ZCCHC7: variants seen among roughly 807,000 people sequenced by gnomAD.
ZCCHC7 encodes zinc finger CCHC domain-containing protein 7.
Under a neutral mutation model 52.0 loss-of-function variants are expected in ZCCHC7, and 35 were observed. The observed-to-expected ratio is 0.67, with a 90% CI of 0.51 to 0.89. ZCCHC7 has a LOEUF of 0.89. ZCCHC7 is among the 40% of genes least tolerant of loss of function. ZCCHC7 has a pLI of 0.00. For synonymous variants in ZCCHC7, 217 were observed against 221.5 expected (o/e 0.98, Z 0.18); for missense variants, 574 against 649.1 (o/e 0.88, Z 1.26).
chr9:37,316,152 T>C, intron 5 of ZCCHC7, among the ~76,000 whole-genome samples: 1 of 152,002 alleles, frequency 6.6e-6, no homozygotes, highest in East Asian at 1.9e-4. Context: ...TTCCACCTCC[T>C]GGGTTCAAGT....
At chr9:37,250,904 C>G (rs1459631363) in intron 2 of ZCCHC7, among the ~76,000 whole-genome samples, 1 of 152,050 alleles carries the variant, frequency 6.6e-6, no homozygotes, top group East Asian at 1.9e-4. Flanking sequence ...GATCAGCTGA[C>G]CTATTGGTGG....
At chr9:37,163,400 A>AAG (rs1415709907) in intron 2 of ZCCHC7, among the ~76,000 whole-genome samples, 37 of 151,652 alleles carry the variant, frequency 2.4e-4, no homozygotes, top group Middle Eastern at 6.8e-3. Flanking sequence ...AAAAAAAAAA[A>AAG]AAAAGAAAAG....
intron 2 of ZCCHC7, among the ~76,000 whole-genome samples, chr9:37,195,944 A>G (rs1367119280): frequency 6.6e-6 from 1 of 152,216 alleles, no homozygotes; most frequent in African/African-American, 2.4e-5. Context: ...ATTTTTTAAA[A>G]TAATTCAACT....
At chr9:37,230,125 G>A (rs989878339) in intron 2 of ZCCHC7, among the ~76,000 whole-genome samples, 3 of 152,142 alleles carry the variant, frequency 2.0e-5, no homozygotes, top group Non-Finnish European at 4.4e-5. Context: ...GAATTCCTCT[G>A]AGGGACCTGT....
chr9:37,320,637 T>A lies in ZCCHC7; in HGVS notation c.952-7162T>A, dbSNP rs191820574. Among the ~76,000 whole-genome samples, 62 of 152,388 alleles carry A rather than the reference T, an allele frequency of 4.1e-4. No individual in the cohort carries two copies. The East Asian group carries it at 5.0e-3, about 12-fold the overall frequency. ...AGATTTTTGTAGTTTTAACTATACA[T>A]GTTCTCTACATAGTTAGATTTATGT... On this transcript the variant is annotated intron_variant, in intron 5 of 8. Transcript: ENST00000336755.
chr9:37,153,813 T>C (rs534962532), intron 2 of ZCCHC7, among the ~76,000 whole-genome samples: 15 of 152,272 alleles, frequency 9.9e-5, no homozygotes, highest in Non-Finnish European at 2.1e-4. Context: ...TGGAGAATGA[T>C]ATTAGAAACC....
At chr9:37,177,064 G>C (rs745592619) in intron 2 of ZCCHC7, among the ~76,000 whole-genome samples, 5 of 152,206 alleles carry the variant, frequency 3.3e-5, no homozygotes, top group East Asian at 1.9e-4. Context: ...GATCTAGGCC[G>C]GGTGTGGTGG....
intron 5 of ZCCHC7, among the ~76,000 whole-genome samples, chr9:37,313,481 A>G (rs980360416): frequency 6.6e-6 from 1 of 152,230 alleles, no homozygotes; most frequent in Non-Finnish European, 1.5e-5. Context: ...TGAAATTTTC[A>G]TGGTTGCAAA....
intron 5 of ZCCHC7, among the ~76,000 whole-genome samples, chr9:37,315,760 G>T (rs1829788950): frequency 1.4e-5 from 2 of 146,860 alleles, no homozygotes; most frequent in African/African-American, 2.5e-5. Flanking sequence ...TAAGCTACAG[G>T]GTCTCAATAT....
chr9:37,313,934 C>T (rs1444627633), intron 5 of ZCCHC7, among the ~76,000 whole-genome samples: 1 of 152,190 alleles, frequency 6.6e-6, no homozygotes, highest in Non-Finnish European at 1.5e-5. Flanking sequence ...CAGTGTATAA[C>T]TTAGCACATT....
chr9:37,307,873 G>T (rs1829403025), intron 5 of ZCCHC7, among the ~76,000 whole-genome samples: 2 of 152,062 alleles, frequency 1.3e-5, no homozygotes, highest in Non-Finnish European at 2.9e-5. Context: ...ATTTAATAAT[G>T]TTTTGGTAAG....
chr9:37,194,724 C>G (rs1313186093), intron 2 of ZCCHC7, among the ~76,000 whole-genome samples: 1 of 152,078 alleles, frequency 6.6e-6, no homozygotes. Context: ...GATGTAAATC[C>G]TATAAATCCA....
chr9:37,308,394 T>C (rs917915977), intron 5 of ZCCHC7, among the ~76,000 whole-genome samples: 35 of 152,288 alleles, frequency 2.3e-4, no homozygotes, highest in African/African-American at 8.4e-4. Context: ...TATGGTCTTA[T>C]TTGCCTGTGA....
At chr9:37,226,928 G>A (rs190688443) in intron 2 of ZCCHC7, among the ~76,000 whole-genome samples, 96 of 151,744 alleles carry the variant, frequency 6.3e-4, no homozygotes, top group African/African-American at 2.1e-3. Context: ...TACTCATGAG[G>A]CTGAGGCAGG....
upstream of ZCCHC7, chr9:37,120,525 T>C: frequency 2.5e-6 from 1 of 399,128 alleles, no homozygotes; most frequent in African/African-American, 2.1e-5. Flanking sequence ...CTCCCGGGTC[T>C]GCGCGGACGC....
chr9:37,292,354 TG>T (rs1828580306), intron 2 of ZCCHC7, among the ~76,000 whole-genome samples: 1 of 152,150 alleles, frequency 6.6e-6, no homozygotes, highest in East Asian at 1.9e-4. Flanking sequence ...CTTGGAGAGA[TG>T]AAGTACTGGT....
intron 2 of ZCCHC7, among the ~76,000 whole-genome samples, chr9:37,186,339 G>C (rs1260175941): frequency 2.6e-5 from 4 of 152,158 alleles, no homozygotes; most frequent in Non-Finnish European, 5.9e-5. Flanking sequence ...CAGAGTAACT[G>C]ATTCCAAGGA....
chr9:37,338,387 T>G (rs1830777284), intron 6 of ZCCHC7, among the ~76,000 whole-genome samples: 1 of 152,182 alleles, frequency 6.6e-6, no homozygotes. Flanking sequence ...GTTTTCGATT[T>G]ACTGAAAAAG....
chr9:37,357,258 A>T lies in ZCCHC7; in HGVS notation c.1622A>T (p.Lys541Ile), dbSNP rs757399809. 2 of 1,592,612 alleles carry T rather than the reference A, an allele frequency of 1.3e-6. No homozygotes were observed. The highest frequency in any genetic ancestry group is 2.2e-5 in the East Asian group (1 of 44,770). Residue 541 changes from lysine (K) to isoleucine (I), a missense_variant, in exon 9 of 9, where the codon AAA becomes ATA. Lys to Ile is a moderately radical substitution (Grantham distance 102). Coordinates refer to ENST00000336755, the MANE Select transcript of ZCCHC7 (RefSeq NM_032226.3). ...DNLFLIKQRK[K>I]KS ...TTATTTCTTATTAAGCAGAGAAAAA[A>T]AAAGTCTTAAGCCGTCAGGCAGCCT...
Sources: allele counts gnomAD v4.1 joint callset (sites outside exome capture counted in the v4.1 genomes callset), GRCh38; gene constraint gnomAD v4.1.1; transcripts MANE v1.5; gene names NCBI Gene and HGNC (gene_info 2026-07-23, HGNC 2026-07-21).